Variants in ANK3 observed in about 807,000 individuals in gnomAD.
The protein encoded by ANK3 is ankyrin 3.
ANK3 carries 57 observed loss-of-function variants against 370.9 expected under a neutral mutation model. That is an observed-to-expected ratio of 0.15 (90% CI 0.12 to 0.19). The LOEUF is 0.19. Among genes scored for constraint, ANK3 ranks in the 10% least tolerant of loss-of-function variants. ANK3 has a pLI of 1.00. For missense variants in ANK3, 4,439 were observed against 5,302.1 expected (o/e 0.84, Z 5.06); for synonymous variants, 1,929 against 1,946.3 (o/e 0.99, Z 0.23).
intron 21 of ANK3, among the ~76,000 whole-genome samples, chr10:60,169,376 T>TG (rs1565439313): frequency 2.0e-5 from 3 of 150,444 alleles, no homozygotes; most frequent in Non-Finnish European, 3.0e-5. Context: ...TTTTTTTTTT[T>TG]TTTTTTTTTT....
chr10:60,720,322 C>T (rs906165732), intron 1 of ANK3, among the ~76,000 whole-genome samples: 3 of 152,122 alleles, frequency 2.0e-5, no homozygotes, highest in African/African-American at 4.8e-5. Context: ...GAGATATGCA[C>T]CCTATTTAAA....
chr10:60,414,737 C>T (rs956875892), intron 2 of ANK3, among the ~76,000 whole-genome samples: 4 of 152,176 alleles, frequency 2.6e-5, no homozygotes, highest in Admixed American at 1.3e-4. Context: ...ATGGTTCCAT[C>T]GCTTTTTTTG....
intron 2 of ANK3, among the ~76,000 whole-genome samples, chr10:60,406,301 G>A (rs908797624): frequency 6.6e-6 from 1 of 152,198 alleles, no homozygotes; most frequent in African/African-American, 2.4e-5. Context: ...TTTGGGTCAT[G>A]GGTTGTAGTT....
intron 2 of ANK3, among the ~76,000 whole-genome samples, chr10:60,540,028 G>A (rs1465438783): frequency 6.6e-6 from 1 of 151,858 alleles, no homozygotes; most frequent in Non-Finnish European, 1.5e-5. Flanking sequence ...GCCTCTCTGA[G>A]ATAGTAACAT....
chr10:60,640,585 A>G lies in ANK3; in HGVS notation c.58-25361T>C, dbSNP rs2078618579. Among the ~76,000 whole-genome samples the G allele has an allele frequency of 3.4e-5, 3 of 89,098 alleles. No homozygotes were observed. In the Admixed American group the frequency reaches 3.8e-4, roughly 11 times the overall value. The allele number at this position is 89,098 out of a possible 152,430, so 58.5% of individuals were successfully genotyped here. A position where few individuals can be genotyped will look rare whatever the true frequency, so the allele number is the denominator to read the frequency against. Reference sequence around the variant, plus strand: ...CAGAAAAGGCCTTTGACAAAATTCAACAACACTTCATGCTAAAAACTCTCA... The same window carrying G: ...CAGAAAAGGCCTTTGACAAAATTCAGCAACACTTCATGCTAAAAACTCTCA... On this transcript the variant is annotated intron_variant, in intron 1 of 43. Coordinates refer to the ANK3 transcript ENST00000373827.
intron 1 of ANK3, chr10:60,684,670 A>G (rs2079244794): frequency 6.3e-7 from 1 of 1,588,574 alleles, no homozygotes; most frequent in East Asian, 2.3e-5. Context: ...AGCATTTAAC[A>G]CTGAGAAAAT....
At chr10:60,038,426 C>T (rs1019025350) in intron 43 of ANK3, among the ~76,000 whole-genome samples, 1 of 152,080 alleles carries the variant, frequency 6.6e-6, no homozygotes, top group African/African-American at 2.4e-5. Context: ...AGTGTCTGTT[C>T]ATGTTCTTTG....
intron 8 of ANK3, among the ~76,000 whole-genome samples, chr10:60,226,579 T>C (rs1224472410): frequency 2.7e-4 from 15 of 55,084 alleles, no homozygotes; most frequent in Non-Finnish European, 2.9e-4. Context: ...TATATGTATA[T>C]ATACTATGTA....
intron 25 of ANK3, among the ~76,000 whole-genome samples, chr10:60,114,834 T>A (rs562912960): frequency 1.3e-5 from 2 of 152,330 alleles, no homozygotes; most frequent in South Asian, 4.1e-4. Context: ...CATCGAGAAC[T>A]AAAAGAACTA....
chr10:60,618,091 AT>A (rs2078288294), intron 1 of ANK3, among the ~76,000 whole-genome samples: 1 of 152,074 alleles, frequency 6.6e-6, no homozygotes, highest in Non-Finnish European at 1.5e-5. Flanking sequence ...GAGGAAACTG[AT>A]TTTTAAAGCA....
At chr10:60,341,222 T>C (rs758321012) in intron 1 of ANK3, among the ~76,000 whole-genome samples, 195 of 152,260 alleles carry the variant, frequency 1.3e-3, no homozygotes, top group Non-Finnish European at 7.6e-4. Context: ...TGAGAAAGTA[T>C]AAAAAATGAA....
chr10:60,107,971 C>T (rs779123433), intron 27 of ANK3, among the ~76,000 whole-genome samples: 1 of 151,982 alleles, frequency 6.6e-6, no homozygotes, highest in Non-Finnish European at 1.5e-5. Context: ...ATTCCACATG[C>T]CTGAAAAGCA....
chr10:60,224,872 T>C (rs899190607), intron 8 of ANK3, among the ~76,000 whole-genome samples: 16 of 152,000 alleles, frequency 1.1e-4, no homozygotes, highest in Non-Finnish European at 1.9e-4. Context: ...ACTTACAGTC[T>C]AATAGCTAAG....
chr10:60,041,838 C>T (rs1461199569), intron 43 of ANK3, among the ~76,000 whole-genome samples: 3 of 152,326 alleles, frequency 2.0e-5, no homozygotes, highest in African/African-American at 7.2e-5. Flanking sequence ...CTTCCCTCAG[C>T]ACTCTGCATA....
chr10:60,283,676 G>A (rs916191573), intron 1 of ANK3, among the ~76,000 whole-genome samples: 3 of 152,022 alleles, frequency 2.0e-5, no homozygotes, highest in Non-Finnish European at 2.9e-5. Context: ...ATAGCTTCAC[G>A]GATAGAGTCA....
rs527721899 is a variant in ANK3 at position 60,281,175 on chromosome 10, A to G, written c.115-1536T>C. Among the ~76,000 whole-genome samples the G allele has an allele frequency of 3.9e-5, 6 of 152,270 alleles. No homozygotes were observed. In the South Asian group the frequency reaches 1.2e-3, roughly 32 times the overall value. On this transcript the variant is annotated intron_variant, in intron 1 of 43. Transcript: ENST00000280772. ...TCAGAGGAGAGGCCACTGCCTCTGG[A>G]GTCACCTGCCCCCTTCTCTTTTACA...
At chr10:60,140,268 T>C in intron 23 of ANK3, 1 of 1,387,614 alleles carries the variant, frequency 7.2e-7, no homozygotes. Context: ...TTATTTTAAG[T>C]AACTATTTAC....
intron 20 of ANK3, 55 bp from the exon 21 acceptor site, chr10:60,172,458 T>TTTTTTTTCTTACATG: frequency 6.9e-7 from 1 of 1,459,798 alleles, no homozygotes; most frequent in Non-Finnish European, 9.6e-7. Context: ...CACATTTTTT[T>TTTTTTTTCTTACATG]TGCTGATACA....
chr10:60,033,746 T>G (rs1165886504), intron 43 of ANK3, among the ~76,000 whole-genome samples: 1 of 152,108 alleles, frequency 6.6e-6, no homozygotes, highest in Non-Finnish European at 1.5e-5. Flanking sequence ...CATCTGAAGC[T>G]CTCTGGTCCA....
Sources: allele counts gnomAD v4.1 joint callset (sites outside exome capture counted in the v4.1 genomes callset), GRCh38; gene constraint gnomAD v4.1.1; transcripts MANE v1.5; gene names NCBI Gene and HGNC (gene_info 2026-07-23, HGNC 2026-07-21).